The following RABGAP1L variants were observed in gnomAD, a reference collection of about 807,000 sequenced individuals.
RABGAP1L encodes RAB GTPase activating protein 1 like, also known as rab GTPase-activating protein 1-like.
A neutral mutation model predicts 137.7 loss-of-function variants in RABGAP1L; 63 were observed. That is an observed-to-expected ratio of 0.46 (90% CI 0.37 to 0.56). RABGAP1L has a LOEUF of 0.56. RABGAP1L is among the 20% of genes least tolerant of loss of function. The pLI is 0.00. For synonymous variants in RABGAP1L, 431 were observed against 433.7 expected (o/e 0.99, Z 0.08); for missense variants, 1,095 against 1,244.0 (o/e 0.88, Z 1.80).
At chr1:174,278,591 A>C in intron 9 of RABGAP1L, 22 bp from the exon 10 acceptor site, 3 of 1,589,728 alleles carry the variant, frequency 1.9e-6, no homozygotes, top group Non-Finnish European at 2.6e-6. Context: ...CTCGCATAAA[A>C]CCCAGAAAAT....
intron 13 of RABGAP1L, among the ~76,000 whole-genome samples, chr1:174,522,616 T>C (rs1204733270): frequency 1.3e-5 from 2 of 152,096 alleles, no homozygotes; most frequent in Non-Finnish European, 2.9e-5. Context: ...TACCTGAGGC[T>C]GTGTAATTTA....
intron 11 of RABGAP1L, among the ~76,000 whole-genome samples, chr1:174,313,038 C>T (rs1679009764): frequency 6.6e-6 from 1 of 152,154 alleles, no homozygotes; most frequent in South Asian, 2.1e-4. Context: ...GATTCTTGAA[C>T]TGCCTCAGCC....
In RABGAP1L at chr1:174,743,121, C is replaced by G. The variant is rs1040831507; in HGVS notation, c.2170-9192C>G. On this transcript the variant is annotated intron_variant, in intron 17 of 25. Coordinates refer to ENST00000681986, the MANE Select transcript of RABGAP1L (RefSeq NM_001366446.1). Reference sequence around the variant, plus strand: ...GGCTTTAATTGGGGGCTGCAGCAGACGAGATGAGATGGGAGCTCAGTCTCA... The same window carrying G: ...GGCTTTAATTGGGGGCTGCAGCAGAGGAGATGAGATGGGAGCTCAGTCTCA... 3.3e-5 allele frequency among the ~76,000 whole-genome samples: 5 copies of G among 152,108 alleles called. No individual in the cohort carries two copies. The East Asian group carries it at 5.8e-4, about 18-fold the overall frequency.
intron 12 of RABGAP1L, among the ~76,000 whole-genome samples, chr1:174,372,552 T>G (rs1685193464): frequency 1.3e-5 from 2 of 151,976 alleles, no homozygotes; most frequent in Admixed American, 1.3e-4. Flanking sequence ...AGGCAGGAGG[T>G]TTTGGTCCTT....
chr1:174,853,228 G>GT (rs77745358), intron 19 of RABGAP1L, among the ~76,000 whole-genome samples: 51,847 of 138,748 alleles, frequency 0.37, 11,412 homozygotes, highest in African/African-American at 0.64. Context: ...AGGCTGGGTT[G>GT]TTTTTTTTTT....
At chr1:174,935,379 AT>A (rs1664595958) in intron 19 of RABGAP1L, 1 of 152,238 alleles carries the variant, frequency 6.6e-6, no homozygotes, top group Admixed American at 6.5e-5. Context: ...AACAAGACAT[AT>A]AAACATATAC....
Position 174,969,260 on chromosome 1 carries a change from C to T in RABGAP1L, c.2434-17C>T, listed in dbSNP as rs1367309697. ...TCCAGACACTAATGCCCACCTCTGG[C>T]TATTGTTCTTCTGCAGAGGGAGAAC... is the stretch of plus-strand genomic sequence containing the variant. On this transcript the variant is annotated splice_polypyrimidine_tract_variant and intron_variant, in intron 20 of 25. Coordinates refer to ENST00000681986, the MANE Select transcript of RABGAP1L (RefSeq NM_001366446.1). 6.5e-7 allele frequency: 1 copy of T among 1,530,040 alleles called. No homozygotes were observed. Among genetic ancestry groups the T allele is most frequent in the African/African-American group, 1.4e-5 (1 of 72,572 alleles). 94.8% of individuals were successfully genotyped at this position (1,530,040 alleles called of 1,614,324 possible).
intron 17 of RABGAP1L, among the ~76,000 whole-genome samples, chr1:174,707,684 A>G (rs977333242): frequency 6.6e-6 from 1 of 152,210 alleles, no homozygotes; most frequent in African/African-American, 2.4e-5. Flanking sequence ...ACAGTATTCA[A>G]TTAATAATAA....
chr1:174,962,197 C>CCA (rs1553295741), intron 20 of RABGAP1L, among the ~76,000 whole-genome samples: 1 of 45,284 alleles, frequency 2.2e-5, no homozygotes, highest in East Asian at 6.3e-3. Context: ...TAAAAATACA[C>CCA]CCCCCCCCCA....
chr1:174,771,993 T>C (rs1325321642), intron 18 of RABGAP1L, among the ~76,000 whole-genome samples: 5 of 151,736 alleles, frequency 3.3e-5, no homozygotes, highest in Non-Finnish European at 7.4e-5. Flanking sequence ...AGGTCAGAAG[T>C]TCAAGACCAG....
intron 13 of RABGAP1L, among the ~76,000 whole-genome samples, chr1:174,447,490 G>A (rs1654896617): frequency 1.3e-5 from 2 of 151,830 alleles, no homozygotes; most frequent in Non-Finnish European, 2.9e-5. Context: ...CCTGAACTAA[G>A]CCCAAAGACA....
At chr1:174,853,735 C>T (rs893222091) in intron 19 of RABGAP1L, among the ~76,000 whole-genome samples, 1 of 151,204 alleles carries the variant, frequency 6.6e-6, no homozygotes, top group Non-Finnish European at 1.5e-5. Flanking sequence ...CACTCCATCT[C>T]AAAAAAACAA....
chr1:174,651,928 A>T (rs139447293), intron 14 of RABGAP1L, among the ~76,000 whole-genome samples: 23 of 151,724 alleles, frequency 1.5e-4, no homozygotes, highest in Admixed American at 2.0e-4. Flanking sequence ...TTTTTCCTAG[A>T]CTCGATGGTC....
At chr1:174,587,434 A>G (rs915829468) in intron 13 of RABGAP1L, among the ~76,000 whole-genome samples, 1 of 142,074 alleles carries the variant, frequency 7.0e-6, no homozygotes, top group Non-Finnish European at 1.5e-5. Flanking sequence ...CCTAAAACTT[A>G]AAGTATAATA....
At chr1:174,613,053 T>A (rs1671424279) in intron 13 of RABGAP1L, among the ~76,000 whole-genome samples, 1 of 151,466 alleles carries the variant, frequency 6.6e-6, no homozygotes. Context: ...TGTCTCTATT[T>A]CCTTCAGTTC....
Position 174,394,093 on chromosome 1 carries a change from G to T in RABGAP1L, c.1658G>T (p.Gly553Val). The T allele has an allele frequency of 6.2e-7, 1 of 1,613,824 alleles. No homozygotes were observed. The highest frequency in any genetic ancestry group is 1.1e-5 in the South Asian group (1 of 91,072). Residue 553 changes from glycine to valine, a missense_variant, in exon 13 of 26, where the codon GGC (glycine) becomes GTC (valine). Transcript: ENST00000681986. ...LRAEVWQLLA[G>V]CHDNQAMLDR... Reference sequence around the variant, plus strand: ...GCAGAGGTATGGCAGTTATTGGCAGGCTGCCATGACAACCAGGCAATGCTG... The same window carrying T: ...GCAGAGGTATGGCAGTTATTGGCAGTCTGCCATGACAACCAGGCAATGCTG...
chr1:174,214,675 T>G (rs1380998916), intron 1 of RABGAP1L, among the ~76,000 whole-genome samples: 4 of 152,152 alleles, frequency 2.6e-5, no homozygotes, highest in Non-Finnish European at 5.9e-5. Context: ...AACCCAGAGA[T>G]AAATCTGTAC....
At chr1:174,653,139 C>T (rs552622723) in intron 14 of RABGAP1L, among the ~76,000 whole-genome samples, 2 of 152,284 alleles carry the variant, frequency 1.3e-5, no homozygotes, top group African/African-American at 4.8e-5. Flanking sequence ...ATGGTGGACG[C>T]CCCTCCCCCA....
At chr1:174,773,905 A>G (rs1207531235) in intron 18 of RABGAP1L, among the ~76,000 whole-genome samples, 6 of 152,246 alleles carry the variant, frequency 3.9e-5, no homozygotes, top group Non-Finnish European at 1.5e-5. Flanking sequence ...GAGACTTGTC[A>G]GAGGATTCAC....
Sources: allele counts gnomAD v4.1 joint callset (sites outside exome capture counted in the v4.1 genomes callset), GRCh38; gene constraint gnomAD v4.1.1; transcripts MANE v1.5; gene names NCBI Gene and HGNC (gene_info 2026-07-23, HGNC 2026-07-21).